PPCDC: variants seen among roughly 807,000 people sequenced by gnomAD.
The protein encoded by PPCDC is phosphopantothenoylcysteine decarboxylase.
PPCDC carries 20 observed loss-of-function variants against 20.7 expected under a neutral mutation model. That is an observed-to-expected ratio of 0.97 (90% CI 0.68 to 1.41). The LOEUF (loss-of-function observed/expected upper bound fraction) is 1.41, where lower values mean the gene tolerates loss of function less well. Among genes scored for constraint, PPCDC ranks in the 40% most tolerant of loss-of-function variants. The pLI, the probability that PPCDC is intolerant of heterozygous loss-of-function variation, is 0.00. For synonymous variants in PPCDC, 88 were observed against 100.3 expected (o/e 0.88, Z 0.73); for missense variants, 246 against 263.8 (o/e 0.93, Z 0.47).
rs1414578350 is a variant in PPCDC, at chr15:75,044,384, A to C, written c.232-2A>C. ...CTGACCCCTTTTTCTTCCCTCTGCC[A>C]GATATGGAAGAGCCGCTCTGACCCA... On this transcript the variant is annotated splice_acceptor_variant, in intron 3 of 5. Transcript: ENST00000342932. LOFTEE classifies it high-confidence loss of function. 59 of 1,613,424 alleles carry C rather than the reference A, an allele frequency of 3.7e-5. No individual in the cohort carries two copies. The highest frequency in any genetic ancestry group is 5.0e-5 in the Non-Finnish European group (59 of 1,179,820).
chr15:75,042,061 C>A (rs1422409190), intron 2 of PPCDC, among the ~76,000 whole-genome samples: 1 of 152,218 alleles, frequency 6.6e-6, no homozygotes. Context: ...ATTTTCTATG[C>A]GAAATCTTCC....
chr15:75,049,793 G>A lies in PPCDC; in HGVS notation c.*558G>A, dbSNP rs1261378247. ...CCAGCTGTGGTCCCAGAGATCAGGGGGTGTTGCCAGGTGTGGCTGGGGAAG... is the reference window on the plus strand; with the variant it reads ...CCAGCTGTGGTCCCAGAGATCAGGGAGTGTTGCCAGGTGTGGCTGGGGAAG... On this transcript the variant is annotated 3_prime_UTR_variant, in exon 6 of 6. Coordinates refer to ENST00000342932, the MANE Select transcript of PPCDC (RefSeq NM_021823.5). 6.5e-6 allele frequency: 1 copy of A among 153,218 alleles called. No homozygotes were observed. Among genetic ancestry groups the A allele is most frequent in the African/African-American group, 2.4e-5 (1 of 41,444 alleles). 9.5% of individuals were successfully genotyped at this position (153,218 alleles called of 1,614,324 possible). A position where few individuals can be genotyped will look rare whatever the true frequency, so the allele number is the denominator to read the frequency against.
intron 4 of PPCDC, among the ~76,000 whole-genome samples, chr15:75,047,975 G>C (rs879639548): frequency 6.6e-6 from 1 of 152,200 alleles, no homozygotes; most frequent in Non-Finnish European, 1.5e-5. Flanking sequence ...TTGCCTGGGT[G>C]GTGCCCATTG....
intron 2 of PPCDC, 87 bp downstream of exon 2, chr15:75,028,540 C>A (rs2065985184): frequency 6.5e-7 from 1 of 1,545,778 alleles, no homozygotes; most frequent in Admixed American, 1.9e-5. Context: ...GCAGTACATG[C>A]AATTTTCTTT....
At chr15:75,028,623 G>T (rs185865973) in intron 2 of PPCDC, among the ~76,000 whole-genome samples, 170 bp downstream of exon 2, 43 of 152,328 alleles carry the variant, frequency 2.8e-4, no homozygotes, top group African/African-American at 9.4e-4. Flanking sequence ...AGGAGACAGA[G>T]ACCAGTGCCC....
rs1348984204 is a variant in PPCDC, at chr15:75,023,591, A to G, written c.-108A>G. The G allele has an allele frequency of 6.6e-6, 1 of 152,214 alleles. No homozygotes were observed. The highest frequency in any genetic ancestry group is 1.5e-5 in the Non-Finnish European group (1 of 68,066). The allele number at this position is 152,214 out of a possible 1,614,324, so 9.4% of individuals were successfully genotyped here. The stretch of plus-strand genomic sequence containing the variant: ...GCGGGAGAGCGGCAGAGATACCGCG[A>G]TATTTGGGAGCGGCCCCGAGACGCG... On this transcript the variant is annotated 5_prime_UTR_variant, in exon 1 of 6. Coordinates refer to ENST00000342932, the MANE Select transcript of PPCDC (RefSeq NM_021823.5).
intron 2 of PPCDC, among the ~76,000 whole-genome samples, chr15:75,034,412 C>G (rs2141482461): frequency 6.6e-6 from 1 of 152,220 alleles, no homozygotes; most frequent in African/African-American, 2.4e-5. Flanking sequence ...AGCCCTGCCC[C>G]CACCATATAA....
intron 1 of PPCDC, among the ~76,000 whole-genome samples, chr15:75,024,821 G>C (rs980065956): frequency 6.6e-6 from 1 of 151,542 alleles, no homozygotes; most frequent in Non-Finnish European, 1.5e-5. Context: ...CTGCAGGCAC[G>C]TGCCACCACG....
intron 2 of PPCDC, among the ~76,000 whole-genome samples, chr15:75,031,812 T>C (rs1448969621): frequency 6.6e-6 from 1 of 152,156 alleles, no homozygotes; most frequent in Non-Finnish European, 1.5e-5. Flanking sequence ...GTGAGATGGC[T>C]GAAGCCTGTA....
chr15:75,034,847 C>T (rs374308659), intron 2 of PPCDC, among the ~76,000 whole-genome samples: 83 of 152,258 alleles, frequency 5.5e-4, no homozygotes, highest in Admixed American at 1.8e-3. Context: ...CTACTAGAAA[C>T]GCCTGCTCTC....
intron 1 of PPCDC, among the ~76,000 whole-genome samples, chr15:75,024,821 G>T (rs980065956): frequency 1.4e-4 from 21 of 151,542 alleles, no homozygotes; most frequent in African/African-American, 4.4e-4. Context: ...CTGCAGGCAC[G>T]TGCCACCACG....
At chr15:75,030,062 G>T (rs1173803680) in intron 2 of PPCDC, among the ~76,000 whole-genome samples, 1 of 152,226 alleles carries the variant, frequency 6.6e-6, no homozygotes, top group Admixed American at 6.5e-5. Context: ...GGGATGGCAG[G>T]CCATGTCTGG....
In PPCDC at chr15:75,048,713, G is replaced by A. The variant is rs140770275; in HGVS notation, c.521G>A (p.Gly174Glu). 15 of 1,613,980 alleles carry A rather than the reference G, an allele frequency of 9.3e-6. No individual in the cohort carries two copies. In the African/African-American group the frequency reaches 2.0e-4, roughly 22 times the overall value. Residue 174 changes from glycine to glutamate, a missense_variant, in exon 5 of 6, where the codon GGA (glycine) becomes GAA (glutamate). By Grantham distance (98) the Gly-to-Glu change is moderately conservative. Around this residue, in one of 2 missense-constraint regions of PPCDC, gnomAD observed 21 missense variants for 41.2 expected, o/e 0.51. Coordinates refer to ENST00000342932, the MANE Select transcript of PPCDC (RefSeq NM_021823.5). Reference protein sequence around the residue: ...IPCVAKKLVCGDEGLGAMAEV... With the variant: ...IPCVAKKLVCEDEGLGAMAEV... ...TGTGTGGCCAAGAAGCTGGTGTGCG[G>A]AGATGAAGGTGGGTGTCTTGCCAGG...
chr15:75,032,122 G>T (rs974208603), intron 2 of PPCDC, among the ~76,000 whole-genome samples: 1 of 152,162 alleles, frequency 6.6e-6, no homozygotes, highest in Non-Finnish European at 1.5e-5. Context: ...TACCAAAGCC[G>T]CATATTATGG....
At chr15:75,034,235 AT>A (rs1257513566) in intron 2 of PPCDC, among the ~76,000 whole-genome samples, 1 of 152,160 alleles carries the variant, frequency 6.6e-6, no homozygotes, top group Non-Finnish European at 1.5e-5. Context: ...CAGTGAGTGA[AT>A]TGAAGAGCTC....
At chr15:75,032,927 A>G (rs2066041405) in intron 2 of PPCDC, among the ~76,000 whole-genome samples, 1 of 151,998 alleles carries the variant, frequency 6.6e-6, no homozygotes, top group Non-Finnish European at 1.5e-5. Flanking sequence ...CAGCCTCCCA[A>G]ATAGTTGGGA....
intron 2 of PPCDC, among the ~76,000 whole-genome samples, chr15:75,029,276 G>A (rs2065993062): frequency 6.6e-6 from 1 of 152,164 alleles, no homozygotes. Flanking sequence ...CAGCCCCTGT[G>A]GTTTTGGCCC....
At chr15:75,044,760 C>T (rs1392575678) in intron 4 of PPCDC, 1 of 458,000 alleles carries the variant, frequency 2.2e-6, no homozygotes, top group Non-Finnish European at 3.9e-6. Flanking sequence ...CTCTCCCCTG[C>T]CCTTGCACCC....
chr15:75,032,743 A>C (rs1157419275), intron 2 of PPCDC, among the ~76,000 whole-genome samples: 1 of 101,300 alleles, frequency 9.9e-6, no homozygotes, highest in Non-Finnish European at 2.0e-5. Flanking sequence ...CCCAAGGCCA[A>C]ATTCGGCTCT....
Sources: gnomAD v4.1 joint callset for allele counts (sites outside exome capture counted in the v4.1 genomes callset) on GRCh38, gnomAD v4.1.1 for gene constraint, gnomAD v4.1.1 regional missense constraint, MANE v1.5 for transcripts, NCBI Gene and HGNC (gene_info 2026-07-23, HGNC 2026-07-21) for gene names.